The following WT1 variants were observed in gnomAD, a reference collection of about 807,000 sequenced individuals.
WT1 encodes WT1 transcription factor, also known as Wilms tumor protein.
A neutral mutation model predicts 60.8 loss-of-function variants in WT1; 8 were observed. The ratio of observed to expected loss-of-function variants is 0.13; its 90% CI spans 0.08 to 0.24. The LOEUF (loss-of-function observed/expected upper bound fraction) is 0.24. WT1 is among the 10% of genes least tolerant of loss of function. The pLI is 1.00. For missense variants in WT1, 568 were observed against 711.8 expected (o/e 0.80, Z 2.30); for synonymous variants, 312 against 297.1 (o/e 1.05, Z -0.52).
chr11:32,427,191 C>T (rs1343222018), intron 3 of WT1, among the ~76,000 whole-genome samples: 1 of 152,234 alleles, frequency 6.6e-6, no homozygotes, highest in Non-Finnish European at 1.5e-5. Context: ...GTGTGCGCCG[C>T]AGTTACTAGG....
At chr11:32,423,879 T>C (rs1176350915) in intron 3 of WT1, among the ~76,000 whole-genome samples, 1 of 152,204 alleles carries the variant, frequency 6.6e-6, no homozygotes, top group East Asian at 1.9e-4. Context: ...AAGTGATACA[T>C]TGGCCTGGTG....
chr11:32,406,665 A>G (rs926898655), intron 5 of WT1, among the ~76,000 whole-genome samples: 2 of 152,242 alleles, frequency 1.3e-5, no homozygotes, highest in Non-Finnish European at 2.9e-5. Context: ...CTGGGAAAAT[A>G]AGCAGAAGCA....
At chr11:32,389,296 G>T in intron 9 of WT1, 117 bp from the exon 10 acceptor site, 4 of 1,557,138 alleles carry the variant, frequency 2.6e-6, no homozygotes, top group Non-Finnish European at 3.5e-6. Flanking sequence ...CCATCATTCT[G>T]TCCCTGAGCT....
chr11:32,393,888 CT>C (rs1384287165), intron 7 of WT1, among the ~76,000 whole-genome samples: 2 of 152,086 alleles, frequency 1.3e-5, no homozygotes, highest in African/African-American at 4.8e-5. Flanking sequence ...GGGCTGGAGC[CT>C]TTTTATTTTT....
chr11:32,419,755 G>A (rs1564989004), intron 3 of WT1, among the ~76,000 whole-genome samples: 1 of 152,182 alleles, frequency 6.6e-6, no homozygotes, highest in Non-Finnish European at 1.5e-5. Flanking sequence ...GTGCAGTGGC[G>A]CTATTTCAGT....
chr11:32,434,692 C>T lies in WT1; in HGVS notation c.661+8G>A, dbSNP rs1313565005. The T allele has an allele frequency of 1.9e-6, 3 of 1,612,712 alleles. No individual in the cohort carries two copies. In the African/African-American group the frequency reaches 4.0e-5, roughly 22 times the overall value. On this transcript the variant is annotated splice_region_variant and intron_variant, in intron 1 of 9. Transcript: ENST00000452863. ...CCGCGCGTAGGGGGCGCTCCCCGGC[C>T]TACTTACCCTGATTGCGAATAGCGG...
Position 32,388,742 on chromosome 11 carries a change from G to T in WT1, c.*316C>A. 2 of 453,438 alleles carry T rather than the reference G, an allele frequency of 4.4e-6. No individual in the cohort carries two copies. The highest frequency in any genetic ancestry group is 1.9e-5 in the African/African-American group (1 of 51,784). 28.1% of individuals were successfully genotyped at this position (453,438 alleles called of 1,614,324 possible). ...AACGAGCATAAAAAAAGAAGGGAAG[G>T]GTCAGGGGGACATGATCAGCTATGG... On this transcript the variant is annotated 3_prime_UTR_variant, in exon 10 of 10. Transcript: ENST00000452863.
chr11:32,412,008 C>T (rs1852516073), intron 5 of WT1, among the ~76,000 whole-genome samples: 1 of 152,198 alleles, frequency 6.6e-6, no homozygotes, highest in Admixed American at 6.5e-5. Flanking sequence ...GGCTCCCCAC[C>T]TTCACTTTGC....
At chr11:32,417,271 T>C (rs958684373) in intron 4 of WT1, among the ~76,000 whole-genome samples, 3 of 152,318 alleles carry the variant, frequency 2.0e-5, no homozygotes, top group African/African-American at 7.2e-5. Context: ...TGTGATATCA[T>C]AGTAAAACAC....
At chr11:32,401,185 A>G (rs1852142200) in intron 5 of WT1, among the ~76,000 whole-genome samples, 1 of 152,248 alleles carries the variant, frequency 6.6e-6, no homozygotes, top group Non-Finnish European at 1.5e-5. Flanking sequence ...AAAGGAATAA[A>G]GTACCAATAC....
In WT1 at chr11:32,434,826, C is replaced by G; in HGVS notation, c.535G>C (p.Ala179Pro). 2 of 1,612,506 alleles carry G rather than the reference C, an allele frequency of 1.2e-6. No homozygotes were observed. Among genetic ancestry groups the G allele is most frequent in the Non-Finnish European group, 1.7e-6 (2 of 1,179,772 alleles). Residue 179 changes from alanine (A) to proline (P), a missense_variant, in exon 1 of 10, where the codon GCC (alanine) becomes CCC (proline). Transcript: ENST00000452863. ...GGACCGAAGGGCCCGTAGCGACAGGCTCCGGCTGTGCCAGTGAACTGGCCG... is the reference window on the plus strand; with the variant it reads ...GGACCGAAGGGCCCGTAGCGACAGGGTCCGGCTGTGCCAGTGAACTGGCCG...
In WT1 at chr11:32,430,506, C is replaced by T. The variant is rs1201107839; in HGVS notation, c.662-1887G>A. 2.8e-5 allele frequency: 42 copies of T among 1,475,142 alleles called. No homozygotes were observed. The Middle Eastern group carries it at 5.5e-4, about 19-fold the overall frequency. 91.4% of individuals were successfully genotyped at this position (1,475,142 alleles called of 1,614,324 possible). A position where few individuals can be genotyped will look rare whatever the true frequency, so the allele number is the denominator to read the frequency against. The stretch of plus-strand genomic sequence containing the variant: ...AGAGAGAGAGACGAAATAGAAGCTA[C>T]GAAGAAGTTTTCTCTAGACGAACCC... On this transcript the variant is annotated intron_variant, in intron 1 of 9. Coordinates refer to ENST00000452863, the MANE Select transcript of WT1 (RefSeq NM_024426.6).
Position 32,435,008 on chromosome 11 carries a change from G to T in WT1, c.353C>A (p.Ala118Asp). 1 of 1,487,922 alleles carries T rather than the reference G, an allele frequency of 6.7e-7. No individual in the cohort carries two copies. The highest frequency in any genetic ancestry group is 8.9e-7 in the Non-Finnish European group (1 of 1,129,412). The allele number at this position is 1,487,922 out of a possible 1,614,324, so 92.2% of individuals were successfully genotyped here. A position where few individuals can be genotyped will look rare whatever the true frequency, so the allele number is the denominator to read the frequency against. Residue 118 changes from alanine to aspartate, a missense_variant, in exon 1 of 10, where the codon GCT (alanine) becomes GAT (aspartate). Ala to Asp is a moderately radical substitution (Grantham distance 126). Coordinates refer to ENST00000452863, the MANE Select transcript of WT1 (RefSeq NM_024426.6). ...GCCGCCCAACGACCCGTAAGCCGAA[G>T]CGCCCGGGGGCGCAAAGTCCAGCAC... is the stretch of plus-strand genomic sequence containing the variant.
At chr11:32,427,656 T>A (rs1853100994) in intron 3 of WT1, among the ~76,000 whole-genome samples, 1 of 152,248 alleles carries the variant, frequency 6.6e-6, no homozygotes, top group South Asian at 2.1e-4. Flanking sequence ...TTAGTCCCGA[T>A]GAAGGTAAAT....
chr11:32,392,235 T>C (rs1322882336), intron 8 of WT1, among the ~76,000 whole-genome samples, 171 bp from the exon 9 acceptor site: 1 of 152,208 alleles, frequency 6.6e-6, no homozygotes, highest in African/African-American at 2.4e-5. Context: ...CAAGAATCAC[T>C]GATTCTGCAC....
chr11:32,394,672 G>A (rs950592035), intron 7 of WT1, among the ~76,000 whole-genome samples: 4 of 152,200 alleles, frequency 2.6e-5, no homozygotes, highest in Non-Finnish European at 5.9e-5. Flanking sequence ...ATAACAGTCT[G>A]TACTGTTGTT....
chr11:32,417,591 T>G lies in WT1; in HGVS notation c.951A>C (p.Gly317=), dbSNP rs2133036838. ...GAAAACCTTACCCCTTTAAGGTGGC[T>G]CCTAAGTTCATCTGATTCCAGGTCA... is the stretch of plus-strand genomic sequence containing the variant. The change falls in exon 4 of 10, where the codon GGA becomes GGC. Residue 317 remains glycine, a synonymous_variant. Transcript: ENST00000452863. 6.2e-6 allele frequency: 10 copies of G among 1,613,978 alleles called. No homozygotes were observed. The highest frequency in any genetic ancestry group is 8.5e-6 in the Non-Finnish European group (10 of 1,179,908).
At chr11:32,418,195 C>G (rs545700716) in intron 3 of WT1, among the ~76,000 whole-genome samples, 1 of 146,210 alleles carries the variant, frequency 6.8e-6, no homozygotes, top group Non-Finnish European at 1.5e-5. Context: ...CTATGCACAG[C>G]GGAAGGAATC....
intron 1 of WT1, chr11:32,430,698 G>A (rs1285879302): frequency 7.7e-6 from 11 of 1,422,822 alleles, no homozygotes; most frequent in Non-Finnish European, 1.0e-5. Flanking sequence ...AAGGATGCCC[G>A]TGGCCCGCGA....
Sources: gnomAD v4.1 joint callset for allele counts (sites outside exome capture counted in the v4.1 genomes callset) on GRCh38, gnomAD v4.1.1 for gene constraint, MANE v1.5 for transcripts, NCBI Gene and HGNC (gene_info 2026-07-23, HGNC 2026-07-21) for gene names.